Variants in TRAPPC9 observed in about 807,000 individuals in gnomAD.
TRAPPC9 encodes the protein IKK2 binding protein.
A neutral mutation model predicts 124.0 loss-of-function variants in TRAPPC9; 83 were observed. That is an observed-to-expected ratio of 0.67 (90% CI 0.56 to 0.80). TRAPPC9 has a LOEUF of 0.80. Among genes scored for constraint, TRAPPC9 ranks in the 30% least tolerant of loss-of-function variants. TRAPPC9 has a pLI of 0.00. For missense variants in TRAPPC9, 1,302 were observed against 1,508.3 expected (o/e 0.86, Z 2.27); for synonymous variants, 638 against 617.5 (o/e 1.03, Z -0.49).
chr8:140,152,141 G>GA (rs1408073309), intron 17 of TRAPPC9, among the ~76,000 whole-genome samples: 2 of 143,428 alleles, frequency 1.4e-5, no homozygotes, highest in African/African-American at 2.6e-5. Context: ...AAAAGGATTA[G>GA]AAAAAAGCCT....
chr8:140,358,450 G>A (rs976231535), intron 9 of TRAPPC9, among the ~76,000 whole-genome samples: 1 of 152,106 alleles, frequency 6.6e-6, no homozygotes, highest in Non-Finnish European at 1.5e-5. Flanking sequence ...CAGGTGATCC[G>A]CCCACCTGGG....
intron 9 of TRAPPC9, among the ~76,000 whole-genome samples, chr8:140,346,633 T>C (rs1316184525): frequency 6.6e-6 from 1 of 152,218 alleles, no homozygotes; most frequent in Non-Finnish European, 1.5e-5. Flanking sequence ...AGATCAATAT[T>C]TTTCTATCCA....
chr8:140,233,677 C>T (rs1480842896), intron 16 of TRAPPC9, among the ~76,000 whole-genome samples: 1 of 133,306 alleles, frequency 7.5e-6, no homozygotes, highest in African/African-American at 2.8e-5. Flanking sequence ...TCTCCCCTAC[C>T]ACACACACAA....
In TRAPPC9 at chr8:139,825,776, G is replaced by A. The variant is rs1825582034; in HGVS notation, c.3055+60103C>T. ...AAAAGGGAGGCAATTCCGAAGAGCA[G>A]ACGAGCCTCCGAGACAACAGCCGTG... On this transcript the variant is annotated intron_variant, in intron 21 of 22. Coordinates refer to ENST00000438773, the MANE Select transcript of TRAPPC9 (RefSeq NM_001160372.4). The surrounding 1 kb of genome is among the most constrained non-coding windows in gnomAD (Gnocchi z 4.6). Among the ~76,000 whole-genome samples the A allele has an allele frequency of 6.6e-6, 1 of 152,104 alleles. No individual in the cohort carries two copies. Among genetic ancestry groups the A allele is most frequent in the South Asian group, 2.1e-4 (1 of 4,810 alleles).
At chr8:139,899,661 C>A (rs1360911479) in intron 20 of TRAPPC9, among the ~76,000 whole-genome samples, 2 of 152,204 alleles carry the variant, frequency 1.3e-5, no homozygotes, top group Non-Finnish European at 2.9e-5. Flanking sequence ...GAGGCCCCAT[C>A]CCATCTTCCT....
chr8:139,906,970 C>A (rs145977851), intron 20 of TRAPPC9, among the ~76,000 whole-genome samples: 1 of 151,758 alleles, frequency 6.6e-6, no homozygotes, highest in Admixed American at 6.6e-5. Context: ...CATCTCTCTA[C>A]GTGAACGGGA....
At chr8:140,220,570 C>T (rs888721105) in intron 17 of TRAPPC9, among the ~76,000 whole-genome samples, 1 of 152,170 alleles carries the variant, frequency 6.6e-6, no homozygotes, top group Admixed American at 6.5e-5. Flanking sequence ...CTGACATGAC[C>T]TCCATCAACC....
intron 19 of TRAPPC9, among the ~76,000 whole-genome samples, chr8:139,950,530 G>A (rs1047921397): frequency 2.0e-5 from 3 of 152,202 alleles, no homozygotes; most frequent in South Asian, 2.1e-4. Flanking sequence ...CCAGTTGGCC[G>A]AGTTGTGACT....
intron 17 of TRAPPC9, among the ~76,000 whole-genome samples, chr8:140,207,711 G>A (rs2062960120): frequency 6.6e-6 from 1 of 152,222 alleles, no homozygotes; most frequent in Non-Finnish European, 1.5e-5. Flanking sequence ...CAGGGTTTCT[G>A]AGAATCCTGG....
At chr8:139,734,302 C>T (rs1001696632) in intron 21 of TRAPPC9, among the ~76,000 whole-genome samples, 1 of 152,204 alleles carries the variant, frequency 6.6e-6, no homozygotes, top group Non-Finnish European at 1.5e-5. Flanking sequence ...ATGTCCAGTG[C>T]GTCCTTATTT....
At chr8:139,800,493 C>T (rs969159974) in intron 21 of TRAPPC9, among the ~76,000 whole-genome samples, 2 of 152,176 alleles carry the variant, frequency 1.3e-5, no homozygotes, top group Non-Finnish European at 2.9e-5. Flanking sequence ...CTTTCTGGGT[C>T]GCCTGTCCCA....
chr8:140,052,005 G>A (rs1842032453), intron 17 of TRAPPC9, among the ~76,000 whole-genome samples: 1 of 152,138 alleles, frequency 6.6e-6, no homozygotes, highest in African/African-American at 2.4e-5. Context: ...CCCACTTGCA[G>A]CTTCTCTCCA....
At chr8:139,758,311 T>G (rs757040925) in intron 21 of TRAPPC9, among the ~76,000 whole-genome samples, 3 of 152,222 alleles carry the variant, frequency 2.0e-5, no homozygotes, top group Admixed American at 6.5e-5. Flanking sequence ...ACACTGAGCA[T>G]GCCCACGTCG....
At chr8:140,372,348 A>C (rs2068306470) in intron 7 of TRAPPC9, among the ~76,000 whole-genome samples, 1 of 152,166 alleles carries the variant, frequency 6.6e-6, no homozygotes, top group Non-Finnish European at 1.5e-5. Flanking sequence ...ACGCCCTTCC[A>C]ACTTGGGCCT....
At chr8:139,797,345 C>T (rs368193218) in intron 21 of TRAPPC9, among the ~76,000 whole-genome samples, 17 of 152,150 alleles carry the variant, frequency 1.1e-4, no homozygotes, top group Middle Eastern at 6.8e-3. Context: ...CTGCGACTTC[C>T]GCCTCCCGGG....
At chr8:140,030,712 G>A (rs1840445946) in intron 17 of TRAPPC9, among the ~76,000 whole-genome samples, 2 of 152,142 alleles carry the variant, frequency 1.3e-5, no homozygotes, top group Admixed American at 6.5e-5. Context: ...TACACAACAT[G>A]GAAGAATCCA....
intron 21 of TRAPPC9, among the ~76,000 whole-genome samples, chr8:139,758,101 T>G (rs569678519): frequency 6.6e-6 from 1 of 152,350 alleles, no homozygotes; most frequent in South Asian, 2.1e-4. Flanking sequence ...AATCTTTGTC[T>G]TCTTCCACTT....
At chr8:140,242,835 G>A (rs1339507068) in intron 16 of TRAPPC9, among the ~76,000 whole-genome samples, 2 of 152,246 alleles carry the variant, frequency 1.3e-5, no homozygotes, top group East Asian at 1.9e-4. Context: ...CCACCTACAG[G>A]AGGACTGGCC....
intron 9 of TRAPPC9, among the ~76,000 whole-genome samples, chr8:140,352,279 G>A (rs1386371300): frequency 6.6e-6 from 1 of 152,210 alleles, no homozygotes; most frequent in East Asian, 1.9e-4. Context: ...ACATGAGTTA[G>A]CTCTCAAAAA....
Sources: allele counts gnomAD v4.1 joint callset (sites outside exome capture counted in the v4.1 genomes callset), GRCh38; gene constraint gnomAD v4.1.1; non-coding constraint Gnocchi (gnomAD v3.1); transcripts MANE v1.5; gene names NCBI Gene and HGNC (gene_info 2026-07-23, HGNC 2026-07-21).